The following ECE1 variants were observed in gnomAD, a reference collection of about 807,000 sequenced individuals.
ECE1 encodes the protein endothelin converting enzyme 1, also known as endothelin-converting enzyme 1.
In ECE1, 35 loss-of-function variants were observed where a neutral mutation model predicts 98.6. That is an observed-to-expected ratio of 0.35 (90% CI 0.27 to 0.47). The LOEUF is 0.47. Ranked by LOEUF, ECE1 falls within the 20% of genes least tolerant of loss-of-function variation. The probability of loss-of-function intolerance (pLI) is 1.00; values close to 1 mark genes in which losing one functional copy is unlikely to be tolerated. For missense variants in ECE1, 814 were observed against 1,025.3 expected, an observed-to-expected ratio of 0.79 and a Z score of 2.81; for synonymous variants, 394 against 407.1, an observed-to-expected ratio of 0.97 and a Z score of 0.39.
At chr1:21,335,279 AC>A (rs1016047358) in intron 1 of ECE1, among the ~76,000 whole-genome samples, 4 of 145,392 alleles carry the variant, frequency 2.8e-5, no homozygotes, top group Admixed American at 1.4e-4. Context: ...CCTCACAGCC[AC>A]TCTCCACCAC....
At chr1:21,338,870 C>T (rs1204214125) in intron 1 of ECE1, among the ~76,000 whole-genome samples, 7 of 152,184 alleles carry the variant, frequency 4.6e-5, no homozygotes, top group Non-Finnish European at 8.8e-5. Flanking sequence ...ACTGTGTTTA[C>T]GCTGTAACCT....
chr1:21,246,867 C>T (rs892073423), intron 9 of ECE1, among the ~76,000 whole-genome samples: 3 of 152,224 alleles, frequency 2.0e-5, no homozygotes, highest in Admixed American at 6.5e-5. Context: ...CCATGTTGCC[C>T]AGGCTGGTCT....
chr1:21,309,665 G>T (rs1023392449), intron 1 of ECE1, among the ~76,000 whole-genome samples: 5 of 152,014 alleles, frequency 3.3e-5, no homozygotes, highest in African/African-American at 4.8e-5. Flanking sequence ...TTAGTCCCAA[G>T]AACTCCTTCA....
intron 2 of ECE1, 79 bp downstream of exon 2, chr1:21,289,991 G>C: frequency 1.6e-6 from 2 of 1,267,784 alleles, no homozygotes; most frequent in Non-Finnish European, 2.0e-6. Context: ...GGTAGGTAGG[G>C]GCGGGGGGCG....
At chr1:21,296,817 G>A (rs774942551) in intron 1 of ECE1, among the ~76,000 whole-genome samples, 5 of 152,128 alleles carry the variant, frequency 3.3e-5, no homozygotes, top group South Asian at 2.1e-4. Context: ...TAGAGGCTAC[G>A]GGCCACCCAT....
chr1:21,288,689 T>C (rs1036318253), intron 2 of ECE1, among the ~76,000 whole-genome samples: 3 of 152,234 alleles, frequency 2.0e-5, no homozygotes, highest in African/African-American at 7.2e-5. Context: ...CTGTTTTGAT[T>C]TGAGAAGGGA....
intron 2 of ECE1, among the ~76,000 whole-genome samples, chr1:21,282,937 A>ATT (rs536420247): frequency 5.3e-4 from 55 of 104,468 alleles, no homozygotes; most frequent in Non-Finnish European, 9.5e-4. Context: ...TCACAACATT[A>ATT]TTTTTTTTTT....
chr1:21,300,792 G>C (rs1638466792), intron 1 of ECE1, among the ~76,000 whole-genome samples: 1 of 151,992 alleles, frequency 6.6e-6, no homozygotes, highest in African/African-American at 2.4e-5. Context: ...TAAGAGCATA[G>C]ACTCTGAAGC....
chr1:21,281,579 G>A (rs982949076), intron 2 of ECE1, among the ~76,000 whole-genome samples: 4 of 152,232 alleles, frequency 2.6e-5, no homozygotes, highest in Non-Finnish European at 4.4e-5. Flanking sequence ...GGACACTGAC[G>A]TATGTGTCCT....
chr1:21,225,538 A>G lies in ECE1; in HGVS notation c.1850-98T>C. 1 of 1,405,346 alleles carries G rather than the reference A, an allele frequency of 7.1e-7. No individual in the cohort carries two copies. The highest frequency in any genetic ancestry group is 1.3e-5 in the South Asian group (1 of 79,388). The allele number at this position is 1,405,346 out of a possible 1,614,324, so 87.1% of individuals were successfully genotyped here. A position where few individuals can be genotyped will look rare whatever the true frequency, so the allele number is the denominator to read the frequency against. On this transcript the variant is annotated intron_variant, in intron 16 of 18. Transcript: ENST00000374893. This position sits in a 1 kb window ranked among gnomAD's most constrained non-coding sequence, Gnocchi z 5.3. ...CTGGTGAGAAGCGGTTCATCCGTCC[A>G]CCCCCGTCCTCCAGCCACCATGGGG...
At chr1:21,240,910 A>G (rs1318308878) in intron 10 of ECE1, among the ~76,000 whole-genome samples, 2 of 152,230 alleles carry the variant, frequency 1.3e-5, no homozygotes, top group African/African-American at 2.4e-5. Context: ...GCTTTCATTC[A>G]TTTACGCATC....
intron 1 of ECE1, among the ~76,000 whole-genome samples, chr1:21,332,853 G>T (rs1225116077): frequency 6.6e-6 from 1 of 150,702 alleles, no homozygotes; most frequent in East Asian, 2.0e-4. Flanking sequence ...GGGGTGGGGT[G>T]GGCGGATGGT....
chr1:21,263,998 G>A (rs920833362), intron 4 of ECE1, among the ~76,000 whole-genome samples: 2 of 152,148 alleles, frequency 1.3e-5, no homozygotes, highest in Non-Finnish European at 2.9e-5. Flanking sequence ...AAAGGTGGGC[G>A]CTTGGCCAGG....
Position 21,225,539 on chromosome 1 carries a change from C to G in ECE1, c.1850-99G>C. On this transcript the variant is annotated intron_variant, in intron 16 of 18. Coordinates refer to ENST00000374893, the MANE Select transcript of ECE1 (RefSeq NM_001397.3). The surrounding 1 kb of genome is among the most constrained non-coding windows in gnomAD (Gnocchi z 5.3). ...TGGTGAGAAGCGGTTCATCCGTCCA[C>G]CCCCGTCCTCCAGCCACCATGGGGA... The G allele has an allele frequency of 7.2e-7, 1 of 1,385,502 alleles. No individual in the cohort carries two copies. The highest frequency in any genetic ancestry group is 9.9e-7 in the Non-Finnish European group (1 of 1,012,452). 85.8% of individuals were successfully genotyped at this position (1,385,502 alleles called of 1,614,324 possible).
intron 10 of ECE1, among the ~76,000 whole-genome samples, chr1:21,239,771 A>T (rs1169456674): frequency 3.3e-5 from 5 of 151,582 alleles, no homozygotes; most frequent in Non-Finnish European, 1.5e-5. Context: ...AATTTTTTAT[A>T]CATTTTTTTC....
chr1:21,316,847 T>C (rs1638841927), intron 1 of ECE1, among the ~76,000 whole-genome samples: 1 of 152,132 alleles, frequency 6.6e-6, no homozygotes, highest in Admixed American at 6.5e-5. Context: ...AATCAATTAT[T>C]GAAAGTTCAA....
At chr1:21,251,516 A>C (rs1157153674) in intron 8 of ECE1, among the ~76,000 whole-genome samples, 2 of 152,208 alleles carry the variant, frequency 1.3e-5, no homozygotes, top group Non-Finnish European at 2.9e-5. Context: ...CTCTGTCTCA[A>C]AACAAAAACA....
At chr1:21,309,576 A>G (rs568686930) in intron 1 of ECE1, among the ~76,000 whole-genome samples, 235 of 152,232 alleles carry the variant, frequency 1.5e-3, no homozygotes, top group African/African-American at 5.5e-3. Flanking sequence ...GGACATCAGC[A>G]CCTGCCATTG....
chr1:21,238,505 G>C (rs28368009), intron 10 of ECE1, among the ~76,000 whole-genome samples: 2 of 152,196 alleles, frequency 1.3e-5, no homozygotes, highest in African/African-American at 2.4e-5. Context: ...AATGACCCTC[G>C]GGGCTTACAA....
Sources: allele counts gnomAD v4.1 joint callset (sites outside exome capture counted in the v4.1 genomes callset), GRCh38; gene constraint gnomAD v4.1.1; non-coding constraint Gnocchi (gnomAD v3.1); transcripts MANE v1.5; gene names NCBI Gene and HGNC (gene_info 2026-07-23, HGNC 2026-07-21).